The following GABBR2 variants were observed in gnomAD, a reference collection of about 807,000 sequenced individuals.
GABBR2 encodes the protein gamma-aminobutyric acid type B receptor subunit 2.
GABBR2 carries 23 observed loss-of-function variants against 105.6 expected under a neutral mutation model. The observed-to-expected ratio is 0.22, with a 90% confidence interval of 0.16 to 0.31. GABBR2 has a LOEUF of 0.31. GABBR2 is among the 10% of genes least tolerant of loss of function. The pLI, the probability that GABBR2 is intolerant of heterozygous loss-of-function variation, is 1.00. For synonymous variants in GABBR2, 478 were observed against 499.7 expected (o/e 0.96, Z 0.58); for missense variants, 734 against 1,245.5 (o/e 0.59, Z 6.18).
intron 1 of GABBR2, among the ~76,000 whole-genome samples, chr9:98,686,725 G>A (rs1830625499): frequency 6.6e-6 from 1 of 152,068 alleles, no homozygotes; most frequent in Non-Finnish European, 1.5e-5. Context: ...TTTAACTTCT[G>A]TCTGGCTCCG....
chr9:98,422,859 G>A (rs1326417389), intron 7 of GABBR2, among the ~76,000 whole-genome samples: 1 of 151,046 alleles, frequency 6.6e-6, no homozygotes, highest in African/African-American at 2.4e-5. Flanking sequence ...AGAACATGCG[G>A]TGTTTGGTTT....
At chr9:98,678,756 G>A (rs139334715) in intron 1 of GABBR2, among the ~76,000 whole-genome samples, 177 of 152,256 alleles carry the variant, frequency 1.2e-3, no homozygotes, top group African/African-American at 4.0e-3. Context: ...GACTGAGCCT[G>A]CACCCATGGG....
chr9:98,377,250 G>C (rs1288576370), intron 11 of GABBR2, among the ~76,000 whole-genome samples: 1 of 152,052 alleles, frequency 6.6e-6, no homozygotes, highest in Non-Finnish European at 1.5e-5. Flanking sequence ...TGGTGGGGAG[G>C]GGGCTGCTGT....
intron 13 of GABBR2, among the ~76,000 whole-genome samples, chr9:98,352,033 C>T (rs1588116743): frequency 6.6e-6 from 1 of 152,146 alleles, no homozygotes; most frequent in Non-Finnish European, 1.5e-5. Flanking sequence ...GGTACTTTGG[C>T]TTTGATTCTG....
At chr9:98,423,429 A>G (rs1832819495) in intron 7 of GABBR2, among the ~76,000 whole-genome samples, 1 of 152,136 alleles carries the variant, frequency 6.6e-6, no homozygotes, top group African/African-American at 2.4e-5. Flanking sequence ...GTCTGTTCAT[A>G]ACCTTTGCCC....
chr9:98,674,577 G>A (rs752534530), intron 1 of GABBR2, among the ~76,000 whole-genome samples: 6 of 152,078 alleles, frequency 3.9e-5, no homozygotes, highest in African/African-American at 1.2e-4. Context: ...AGGGCAGGGC[G>A]GCACCTGGAT....
intron 1 of GABBR2, among the ~76,000 whole-genome samples, chr9:98,698,531 A>G (rs921531962): frequency 2.0e-5 from 3 of 149,660 alleles, no homozygotes; most frequent in Admixed American, 6.7e-5. Context: ...ATGGAGTCTC[A>G]TTCTGTCACC....
At chr9:98,422,628 C>G (rs1832803540) in intron 7 of GABBR2, among the ~76,000 whole-genome samples, 1 of 151,580 alleles carries the variant, frequency 6.6e-6, no homozygotes, top group South Asian at 2.1e-4. Flanking sequence ...TTTTTTTTAA[C>G]TATTAAAGTT....
chr9:98,570,056 C>T (rs1335452466), intron 2 of GABBR2, among the ~76,000 whole-genome samples: 1 of 152,202 alleles, frequency 6.6e-6, no homozygotes, highest in Non-Finnish European at 1.5e-5. Context: ...TTTCAGAAAT[C>T]AAGTCCTAAA....
chr9:98,660,019 T>C (rs1449455649), intron 1 of GABBR2, among the ~76,000 whole-genome samples: 2 of 152,232 alleles, frequency 1.3e-5, no homozygotes, highest in African/African-American at 2.4e-5. Flanking sequence ...ATCTGCATTA[T>C]ATTATACACA....
At chr9:98,304,786 G>T (rs1830524160) in intron 15 of GABBR2, among the ~76,000 whole-genome samples, 1 of 130,180 alleles carries the variant, frequency 7.7e-6, no homozygotes, top group African/African-American at 3.0e-5. Flanking sequence ...TTTTGGAGGG[G>T]CGGGTAAAGG....
intron 7 of GABBR2, among the ~76,000 whole-genome samples, chr9:98,422,435 C>T (rs1015299184): frequency 5.3e-5 from 8 of 152,022 alleles, no homozygotes; most frequent in Non-Finnish European, 8.8e-5. Context: ...CAGAATTTCA[C>T]TCCTGGGAAA....
intron 7 of GABBR2, among the ~76,000 whole-genome samples, chr9:98,419,749 T>A (rs1186410532): frequency 1.3e-5 from 2 of 152,024 alleles, no homozygotes; most frequent in African/African-American, 4.8e-5. Context: ...AGAGGACAGT[T>A]TTTGTGTCTT....
chr9:98,313,219 C>G (rs1027267935), intron 13 of GABBR2, among the ~76,000 whole-genome samples: 1 of 152,184 alleles, frequency 6.6e-6, no homozygotes, highest in African/African-American at 2.4e-5. Flanking sequence ...CTTGGCACAA[C>G]GATTCCAGCA....
chr9:98,634,162 C>T (rs1285737270), intron 1 of GABBR2, among the ~76,000 whole-genome samples: 2 of 152,220 alleles, frequency 1.3e-5, no homozygotes, highest in Non-Finnish European at 2.9e-5. Flanking sequence ...CAATAAGCAT[C>T]AGCTCACCTC....
At chr9:98,299,075 G>C (rs1830426691) in intron 17 of GABBR2, 149 bp downstream of exon 17, 2 of 710,998 alleles carry the variant, frequency 2.8e-6, no homozygotes, top group Admixed American at 4.8e-5. Flanking sequence ...GCAGACAGAG[G>C]TTCCAGATGC....
At chr9:98,314,326 C>T (rs947551797) in intron 13 of GABBR2, among the ~76,000 whole-genome samples, 1 of 152,178 alleles carries the variant, frequency 6.6e-6, no homozygotes, top group Non-Finnish European at 1.5e-5. Flanking sequence ...GACTTAGTGG[C>T]AGAATCTGGG....
intron 7 of GABBR2, among the ~76,000 whole-genome samples, chr9:98,446,442 T>A (rs924933325): frequency 1.3e-5 from 2 of 152,236 alleles, no homozygotes; most frequent in South Asian, 4.1e-4. Flanking sequence ...ATACATACAC[T>A]GTGACCTGTT....
chr9:98,347,683 T>C (rs1046066941), intron 13 of GABBR2, among the ~76,000 whole-genome samples: 2 of 152,230 alleles, frequency 1.3e-5, no homozygotes, highest in Admixed American at 6.5e-5. Flanking sequence ...CTATATTTTA[T>C]TCTAGTAGTT....
Sources: gnomAD v4.1 joint callset for allele counts (sites outside exome capture counted in the v4.1 genomes callset) on GRCh38, gnomAD v4.1.1 for gene constraint, MANE v1.5 for transcripts, NCBI Gene and HGNC (gene_info 2026-07-23, HGNC 2026-07-21) for gene names.